Variants in GRM3 observed in about 807,000 individuals in gnomAD.
GRM3 encodes metabotropic glutamate receptor 3.
In GRM3, 26 loss-of-function variants were observed where a neutral mutation model predicts 70.5. The observed-to-expected ratio is 0.37, with a 90% confidence interval of 0.27 to 0.51. GRM3 has a LOEUF of 0.51. GRM3 is among the 20% of genes least tolerant of loss of function. GRM3 has a pLI of 0.93. For missense variants in GRM3, 859 were observed against 1,123.8 expected (o/e 0.76, Z 3.37); for synonymous variants, 443 against 434.9 (o/e 1.02, Z -0.23).
chr7:86,660,497 C>T (rs938880139), intron 1 of GRM3, among the ~76,000 whole-genome samples: 4 of 151,916 alleles, frequency 2.6e-5, no homozygotes, highest in African/African-American at 7.2e-5. Flanking sequence ...AAACAGAATG[C>T]TTGATAATCT....
intron 2 of GRM3, chr7:86,785,978 G>C (rs780269194): frequency 1.8e-5 from 5 of 285,418 alleles, no homozygotes; most frequent in Non-Finnish European, 3.3e-5. Context: ...TCCTAGTCTA[G>C]AGTCTAGCAC....
intron 1 of GRM3, among the ~76,000 whole-genome samples, chr7:86,709,605 TC>T (rs914400991): frequency 2.0e-5 from 3 of 152,056 alleles, no homozygotes; most frequent in Non-Finnish European, 4.4e-5. Context: ...TCTGCTCTCA[TC>T]CCCAAAGATG....
chr7:86,733,016 A>G (rs974297322), intron 1 of GRM3, among the ~76,000 whole-genome samples: 2 of 152,066 alleles, frequency 1.3e-5, no homozygotes, highest in African/African-American at 4.8e-5. Context: ...TGATGGGGAG[A>G]TAAGAAAGGC....
Position 86,765,135 on chromosome 7 carries a change from A to G in GRM3, c.-11A>G. On this transcript the variant is annotated 5_prime_UTR_variant, in exon 2 of 6. Coordinates refer to ENST00000361669, the MANE Select transcript of GRM3 (RefSeq NM_000840.3). ...CCATTGATATCTCCCAGAGGTACAG[A>G]AACAGGATTCATGAAGATGTTGACA... 6.4e-7 allele frequency: 1 copy of G among 1,556,706 alleles called. No individual in the cohort carries two copies. The highest frequency in any genetic ancestry group is 1.3e-5 in the South Asian group (1 of 79,638).
At chr7:86,777,314 CA>C (rs1194870204) in intron 2 of GRM3, among the ~76,000 whole-genome samples, 1 of 152,102 alleles carries the variant, frequency 6.6e-6, no homozygotes, top group Non-Finnish European at 1.5e-5. Flanking sequence ...TTACAAACTA[CA>C]GGAGATGAGT....
intron 1 of GRM3, among the ~76,000 whole-genome samples, chr7:86,706,562 A>G (rs756218789): frequency 4.6e-5 from 7 of 152,016 alleles, no homozygotes; most frequent in Non-Finnish European, 5.9e-5. Flanking sequence ...AAAACAGAGG[A>G]CACTACAAAT....
chr7:86,711,752 G>A (rs909404307), intron 1 of GRM3, among the ~76,000 whole-genome samples: 5 of 151,996 alleles, frequency 3.3e-5, no homozygotes, highest in African/African-American at 1.2e-4. Flanking sequence ...TTTTTGGTTT[G>A]CTGGATTCAT....
At chr7:86,747,243 G>A (rs2116344299) in intron 1 of GRM3, among the ~76,000 whole-genome samples, 2 of 152,082 alleles carry the variant, frequency 1.3e-5, no homozygotes, top group Admixed American at 1.3e-4. Context: ...TGTTTTATCT[G>A]TAAAATTTTC....
intron 2 of GRM3, among the ~76,000 whole-genome samples, chr7:86,783,095 A>G (rs1797118113): frequency 6.6e-6 from 1 of 152,166 alleles, no homozygotes; most frequent in Non-Finnish European, 1.5e-5. Flanking sequence ...ATATTCCAGA[A>G]CCAAGCTTTT....
At position 86,857,273 on chromosome 7, in the gene GRM3, C is replaced by T. The variant is rs1023547230; in HGVS notation, c.2566+6729C>T. ...ATAATGACACTACGTAGTAGCCTGG[C>T]CAAGCAAGTTAGGTTTGAATGTGGC... On this transcript the variant is annotated intron_variant, in intron 5 of 5. Transcript: ENST00000361669. Among the ~76,000 whole-genome samples, 3 of 151,776 alleles carry T rather than the reference C, an allele frequency of 2.0e-5. No individual in the cohort carries two copies. The East Asian group carries it at 5.8e-4, about 29-fold the overall frequency.
chr7:86,823,813 T>C (rs923386177), intron 3 of GRM3, among the ~76,000 whole-genome samples: 1 of 152,146 alleles, frequency 6.6e-6, no homozygotes, highest in Non-Finnish European at 1.5e-5. Flanking sequence ...GACAGCTAGA[T>C]CCCTAGTGTA....
intron 3 of GRM3, chr7:86,832,920 C>A: frequency 1.7e-6 from 1 of 595,338 alleles, no homozygotes; most frequent in Non-Finnish European, 2.1e-6. Context: ...TTTTGAAGCA[C>A]CCGAGTGATG....
chr7:86,818,127 C>T (rs924711715), intron 3 of GRM3, among the ~76,000 whole-genome samples: 4 of 151,982 alleles, frequency 2.6e-5, no homozygotes, highest in African/African-American at 7.2e-5. Flanking sequence ...CATCACACTG[C>T]GTTCATCTAT....
chr7:86,696,588 C>A (rs1437797320), intron 1 of GRM3, among the ~76,000 whole-genome samples: 1 of 152,152 alleles, frequency 6.6e-6, no homozygotes, highest in Non-Finnish European at 1.5e-5. Context: ...TCTGTTAAAG[C>A]AGCAATAGCA....
At chr7:86,663,426 T>C (rs1793948398) in intron 1 of GRM3, among the ~76,000 whole-genome samples, 1 of 151,936 alleles carries the variant, frequency 6.6e-6, no homozygotes, top group Admixed American at 6.6e-5. Context: ...TTGTAAGCCA[T>C]TGGAAGTTGC....
Position 86,839,689 on chromosome 7 carries a change from A to G in GRM3, c.2175A>G (p.Thr725=), listed in dbSNP as rs1798525225. The G allele has an allele frequency of 6.2e-7, 1 of 1,613,922 alleles. No individual in the cohort carries two copies. Residue 725 remains threonine, a synonymous_variant, in exon 4 of 6, where the codon ACA becomes ACG. Coordinates refer to ENST00000361669, the MANE Select transcript of GRM3 (RefSeq NM_000840.3). The surrounding 1 kb of genome is among the most constrained non-coding windows in gnomAD (Gnocchi z 4.5). ...ATACCCTTGCAGAGAAGCGGGAAAC[A>G]GTCATCCTAAAATGCAATGTCAAAG... ...RRYTLAEKRE[T]VILKCNVKDS... is the part of the protein sequence containing the mutation.
intron 1 of GRM3, 182 bp downstream of exon 1, chr7:86,645,054 A>G: frequency 2.8e-6 from 1 of 353,266 alleles, no homozygotes; most frequent in Non-Finnish European, 5.6e-6. Flanking sequence ...CATGAGTGAG[A>G]GTTTGTGTGT....
At chr7:86,768,007 A>G (rs1023172281) in intron 2 of GRM3, among the ~76,000 whole-genome samples, 1 of 152,134 alleles carries the variant, frequency 6.6e-6, no homozygotes, top group African/African-American at 2.4e-5. Flanking sequence ...AGTCACAAAC[A>G]TTGATAAGGT....
At chr7:86,686,376 A>G (rs998721811) in intron 1 of GRM3, among the ~76,000 whole-genome samples, 1 of 152,174 alleles carries the variant, frequency 6.6e-6, no homozygotes, top group Non-Finnish European at 1.5e-5. Flanking sequence ...AGATGAGGGA[A>G]CCCTAAAACA....
Sources: allele counts gnomAD v4.1 joint callset (sites outside exome capture counted in the v4.1 genomes callset), GRCh38; gene constraint gnomAD v4.1.1; non-coding constraint Gnocchi (gnomAD v3.1); transcripts MANE v1.5; gene names NCBI Gene and HGNC (gene_info 2026-07-23, HGNC 2026-07-21).